The following FRMD4A variants were observed in gnomAD, a reference collection of about 807,000 sequenced individuals.
FRMD4A encodes the protein FERM domain-containing protein 4A.
FRMD4A carries 29 observed loss-of-function variants against 129.1 expected under a neutral mutation model. That is an observed-to-expected ratio of 0.22 (90% CI 0.17 to 0.31). The LOEUF (loss-of-function observed/expected upper bound fraction) is 0.31, where lower values mean the gene tolerates loss of function less well. Ranked by LOEUF, FRMD4A falls within the 10% of genes least tolerant of loss-of-function variation. The pLI is 1.00. For synonymous variants in FRMD4A, 634 were observed against 571.6 expected (o/e 1.11, Z -1.56); for missense variants, 1,272 against 1,375.8 (o/e 0.92, Z 1.19).
At chr10:13,757,316 A>G (rs1402518771) in intron 8 of FRMD4A, among the ~76,000 whole-genome samples, 1 of 152,250 alleles carries the variant, frequency 6.6e-6, no homozygotes, top group Non-Finnish European at 1.5e-5. Flanking sequence ...AAATGAGATT[A>G]CTACATGCTG....
intron 2 of FRMD4A, among the ~76,000 whole-genome samples, chr10:14,233,317 C>A (rs939322638): frequency 2.6e-5 from 4 of 152,192 alleles, no homozygotes; most frequent in Non-Finnish European, 1.5e-5. Flanking sequence ...CACCTGTTAT[C>A]CCAACACTTT....
At chr10:14,166,924 G>T (rs1301530823) in intron 2 of FRMD4A, among the ~76,000 whole-genome samples, 1 of 152,112 alleles carries the variant, frequency 6.6e-6, no homozygotes, top group East Asian at 1.9e-4. Context: ...ATGTATGAAG[G>T]CCCTATATTT....
At chr10:13,751,277 G>A (rs932345907) in intron 8 of FRMD4A, among the ~76,000 whole-genome samples, 5 of 152,164 alleles carry the variant, frequency 3.3e-5, no homozygotes, top group African/African-American at 1.2e-4. Context: ...CCTGCAGTGA[G>A]TTCTCTAGCT....
chr10:14,301,932 C>T (rs11259003), intron 2 of FRMD4A, among the ~76,000 whole-genome samples: 34,069 of 151,950 alleles, frequency 0.22, 4,604 homozygotes, highest in Middle Eastern at 0.31. Context: ...GAGAGTTGAG[C>T]GGTCCAGGGA....
intron 2 of FRMD4A, among the ~76,000 whole-genome samples, chr10:13,916,609 C>T (rs1445132918): frequency 6.6e-6 from 1 of 152,214 alleles, no homozygotes; most frequent in Non-Finnish European, 1.5e-5. Context: ...AGTAACTTGC[C>T]TGAGGTTCCC....
chr10:13,825,100 T>C (rs1318482329), intron 3 of FRMD4A, among the ~76,000 whole-genome samples: 1 of 152,084 alleles, frequency 6.6e-6, no homozygotes, highest in Non-Finnish European at 1.5e-5. Flanking sequence ...TATACATACA[T>C]ACCTATGATA....
In FRMD4A at chr10:14,119,595, A is replaced by G. The variant is rs931741477; in HGVS notation, c.45+210463T>C. ...AAATCCACCTGTCCCTTTTGCATGC[A>G]GAATGTCAGGATCTGTGATTAATGG... is the stretch of plus-strand genomic sequence containing the variant. On this transcript the variant is annotated intron_variant, in intron 2 of 24. Transcript: ENST00000357447. Among the ~76,000 whole-genome samples, 8 of 152,326 alleles carry G rather than the reference A, an allele frequency of 5.3e-5. No individual in the cohort carries two copies. In the South Asian group the frequency reaches 1.7e-3, roughly 32 times the overall value.
chr10:13,668,584 T>C (rs1305811731), intron 17 of FRMD4A: 2 of 152,106 alleles, frequency 1.3e-5, no homozygotes, highest in Non-Finnish European at 2.9e-5. Context: ...TTTACGAACT[T>C]AGGAAAGATC....
intron 2 of FRMD4A, among the ~76,000 whole-genome samples, chr10:14,126,053 G>A (rs1838821632): frequency 6.6e-6 from 1 of 152,006 alleles, no homozygotes; most frequent in South Asian, 2.1e-4. Flanking sequence ...ACAGTGGTTG[G>A]AACTTCCATC....
rs370998777 is a variant in FRMD4A at position 14,181,454 on chromosome 10, T to C, written c.45+148604A>G. Among the ~76,000 whole-genome samples the C allele has an allele frequency of 7.2e-5, 11 of 152,254 alleles. 1 individual carries two copies. Among genetic ancestry groups the C allele is most frequent in the Admixed American group, 3.3e-4 (5 of 15,294 alleles). On this transcript the variant is annotated intron_variant, in intron 2 of 24. Coordinates refer to ENST00000357447, the MANE Select transcript of FRMD4A (RefSeq NM_018027.5). ...GAGACAGGCATCTGGGCGGAAGCAA[T>C]GCCTCCTTCTTCCCGTCGTCACAGA...
At chr10:14,170,683 T>A (rs1841428521) in intron 2 of FRMD4A, among the ~76,000 whole-genome samples, 1 of 152,198 alleles carries the variant, frequency 6.6e-6, no homozygotes, top group Non-Finnish European at 1.5e-5. Context: ...TAGGGTTAAT[T>A]TCCATCCACT....
At chr10:14,063,561 TA>T (rs11394360) in intron 2 of FRMD4A, among the ~76,000 whole-genome samples, 3 of 147,894 alleles carry the variant, frequency 2.0e-5, no homozygotes, top group African/African-American at 4.9e-5. Flanking sequence ...CTTTTCTCAT[TA>T]AAAAAAAAAA....
At chr10:13,889,384 T>C (rs1328314557) in intron 2 of FRMD4A, among the ~76,000 whole-genome samples, 2 of 152,220 alleles carry the variant, frequency 1.3e-5, no homozygotes, top group Non-Finnish European at 2.9e-5. Context: ...TGTCTTTCCC[T>C]TTGACCTCAG....
intron 2 of FRMD4A, among the ~76,000 whole-genome samples, chr10:14,221,294 A>G (rs1474649211): frequency 6.6e-6 from 1 of 152,160 alleles, no homozygotes; most frequent in Non-Finnish European, 1.5e-5. Context: ...GTCAGGGATA[A>G]CTGCTCCATC....
intron 2 of FRMD4A, among the ~76,000 whole-genome samples, chr10:14,126,169 CTTTTTT>C (rs55649566): frequency 8.2e-6 from 1 of 122,382 alleles, no homozygotes; most frequent in African/African-American, 3.1e-5. Context: ...ACCTTGCCCA[CTTTTTT>C]TTTTTTTTTT....
rs929475936 is a variant in FRMD4A, at chr10:13,851,832, G to A, written c.111+7015C>T. 3.3e-5 allele frequency among the ~76,000 whole-genome samples: 5 copies of A among 151,544 alleles called. No homozygotes were observed. The South Asian group carries it at 6.3e-4, about 19-fold the overall frequency. On this transcript the variant is annotated intron_variant, in intron 3 of 24. Transcript: ENST00000357447. ...GGAGAATCGCTTGAACTCAGGAGGC[G>A]AAGGTTACAGTGAGCTGAGATTGCA... is the stretch of plus-strand genomic sequence containing the variant.
chr10:14,134,284 G>GATGGATGGATGT (rs1163253128), intron 2 of FRMD4A, among the ~76,000 whole-genome samples: 1 of 151,534 alleles, frequency 6.6e-6, no homozygotes, highest in East Asian at 1.9e-4. Context: ...TGGATGGATG[G>GATGGATGGATGT]ATAGGTAGAT....
intron 2 of FRMD4A, among the ~76,000 whole-genome samples, chr10:14,185,914 G>C (rs559363997): frequency 6.6e-6 from 1 of 152,300 alleles, no homozygotes; most frequent in Non-Finnish European, 1.5e-5. Context: ...AGACTGGGCA[G>C]GAACTGCAAA....
chr10:14,209,652 C>T (rs989121580), intron 2 of FRMD4A, among the ~76,000 whole-genome samples: 4 of 147,210 alleles, frequency 2.7e-5, no homozygotes, highest in East Asian at 2.0e-4. Context: ...ACCCAGGAGG[C>T]GGAGCTTGCA....
Sources: allele counts gnomAD v4.1 joint callset (sites outside exome capture counted in the v4.1 genomes callset), GRCh38; gene constraint gnomAD v4.1.1; transcripts MANE v1.5; gene names NCBI Gene and HGNC (gene_info 2026-07-23, HGNC 2026-07-21).